Variants in PCDHGA2 observed in about 807,000 individuals in gnomAD.
The protein encoded by PCDHGA2 is protocadherin gamma subfamily A, 2, also known as protocadherin gamma-A2.
PCDHGA2 carries 40 observed loss-of-function variants against 59.2 expected under a neutral mutation model. That is an observed-to-expected ratio of 0.68 (90% CI 0.52 to 0.88). PCDHGA2 has a LOEUF of 0.88. Among genes scored for constraint, PCDHGA2 ranks in the 40% least tolerant of loss-of-function variants. The probability of loss-of-function intolerance (pLI) is 0.00; values close to 1 mark genes in which losing one functional copy is unlikely to be tolerated. For synonymous variants in PCDHGA2, 560 were observed against 526.0 expected (o/e 1.06, Z -0.89); for missense variants, 1,226 against 1,204.0 (o/e 1.02, Z -0.27).
At chr5:141,345,602 G>A in intron 1 of PCDHGA2, 2 of 1,614,174 alleles carry the variant, frequency 1.2e-6, no homozygotes, top group East Asian at 4.5e-5. Context: ...TCGACTACGA[G>A]CAATTTAGAG....
intron 1 of PCDHGA2, chr5:141,374,319 C>A: frequency 6.2e-7 from 1 of 1,613,942 alleles, no homozygotes; most frequent in Non-Finnish European, 8.5e-7. Flanking sequence ...TCTCTGAATC[C>A]GCGAAACGGC....
chr5:141,405,400 T>C (rs986034251), intron 1 of PCDHGA2: 3 of 1,590,732 alleles, frequency 1.9e-6, no homozygotes, highest in Non-Finnish European at 2.6e-6. Flanking sequence ...TTTTCTTTCT[T>C]TCTTTTCTTT....
chr5:141,478,076 C>G (rs1486983629), intron 1 of PCDHGA2: 2 of 1,614,106 alleles, frequency 1.2e-6, no homozygotes, highest in Non-Finnish European at 1.7e-6. Context: ...CAATGGGGAG[C>G]CTTCGCTCTC....
At chr5:141,450,225 C>A (rs1294362576) in intron 1 of PCDHGA2, among the ~76,000 whole-genome samples, 1 of 151,976 alleles carries the variant, frequency 6.6e-6, no homozygotes, top group Non-Finnish European at 1.5e-5. Flanking sequence ...ACTATGTTGG[C>A]CAGGCTAGTC....
At chr5:141,437,764 A>G (rs1408729040) in intron 1 of PCDHGA2, among the ~76,000 whole-genome samples, 1 of 149,226 alleles carries the variant, frequency 6.7e-6, no homozygotes, top group Non-Finnish European at 1.5e-5. Flanking sequence ...TTTGAGACAG[A>G]GTCTCAATCT....
intron 1 of PCDHGA2, chr5:141,355,764 G>T: frequency 1.2e-6 from 2 of 1,613,968 alleles, no homozygotes; most frequent in Non-Finnish European, 8.5e-7. Flanking sequence ...GGGCCGATGG[G>T]ATTAAGTACC....
In PCDHGA2 at chr5:141,511,216, C is replaced by A. The variant is rs374915167; in HGVS notation, c.*43C>A. On this transcript the variant is annotated 3_prime_UTR_variant, in exon 4 of 4. Coordinates refer to ENST00000394576, the MANE Select transcript of PCDHGA2 (RefSeq NM_018915.4). Reference sequence around the variant, plus strand: ...GAGCCACAGGGCGGCCTCTCCCCAACCAGCCCAGCTTCTCCTTACCTGCAC... The same window carrying A: ...GAGCCACAGGGCGGCCTCTCCCCAAACAGCCCAGCTTCTCCTTACCTGCAC... The A allele has an allele frequency of 6.2e-7, 1 of 1,608,004 alleles. No homozygotes were observed. The highest frequency in any genetic ancestry group is 1.3e-5 in the African/African-American group (1 of 74,736).
chr5:141,348,895 C>A (rs1186372853), intron 1 of PCDHGA2, among the ~76,000 whole-genome samples: 1 of 152,116 alleles, frequency 6.6e-6, no homozygotes, highest in Non-Finnish European at 1.5e-5. Flanking sequence ...TTTGGTAATG[C>A]ATTTGAAATA....
At chr5:141,382,916 G>A (rs1778572994) in intron 1 of PCDHGA2, 12 of 1,554,424 alleles carry the variant, frequency 7.7e-6, no homozygotes, top group Non-Finnish European at 9.6e-6. Flanking sequence ...GCTCAGCCGA[G>A]GGGCGGGGAC....
At chr5:141,428,823 T>C (rs2097162740) in intron 1 of PCDHGA2, 1 of 152,274 alleles carries the variant, frequency 6.6e-6, no homozygotes, top group Non-Finnish European at 1.5e-5. Context: ...TTAGCTTTCA[T>C]GTATTTTTGA....
At chr5:141,501,866 C>T (rs1193396289) in intron 2 of PCDHGA2, among the ~76,000 whole-genome samples, 4 of 152,108 alleles carry the variant, frequency 2.6e-5, no homozygotes, top group South Asian at 2.1e-4. Context: ...TTTCCCAGGA[C>T]GCCTCCTTAC....
intron 1 of PCDHGA2, among the ~76,000 whole-genome samples, chr5:141,483,553 C>G (rs955671854): frequency 2.0e-5 from 3 of 152,230 alleles, no homozygotes; most frequent in Admixed American, 2.0e-4. Context: ...CAGTGCCATT[C>G]ACAGAGACAG....
Position 141,491,215 on chromosome 5 carries a change from A to G in PCDHGA2, c.2425-3592A>G, listed in dbSNP as rs546893944. 2.5e-6 allele frequency: 4 copies of G among 1,614,196 alleles called. No individual in the cohort carries two copies. Among genetic ancestry groups the G allele is most frequent in the Non-Finnish European group, 3.4e-6 (4 of 1,180,036 alleles). On this transcript the variant is annotated intron_variant, in intron 1 of 3. Coordinates refer to ENST00000394576, the MANE Select transcript of PCDHGA2 (RefSeq NM_018915.4). This position sits in a 1 kb window ranked among gnomAD's most constrained non-coding sequence, Gnocchi z 6.9. ...CAATGGTGACCCTTCACTCTCCTCC[A>G]CAGCCACAGTGCTGCTGGTTCTGGA...
In PCDHGA2 at chr5:141,493,511, T is replaced by G. The variant is rs1203329648; in HGVS notation, c.2425-1296T>G. Among the ~76,000 whole-genome samples the G allele has an allele frequency of 6.6e-6, 1 of 152,094 alleles. No individual in the cohort carries two copies. Reference sequence around the variant, plus strand: ...TCTGTGGCTCCTCATTTCTGAGCAGTCCCCGCAGCGCAAACTTGGCCAGTT... The same window carrying G: ...TCTGTGGCTCCTCATTTCTGAGCAGGCCCCGCAGCGCAAACTTGGCCAGTT... On this transcript the variant is annotated intron_variant, in intron 1 of 3. Coordinates refer to ENST00000394576, the MANE Select transcript of PCDHGA2 (RefSeq NM_018915.4). This position sits in a 1 kb window ranked among gnomAD's most constrained non-coding sequence, Gnocchi z 4.3.
At chr5:141,383,710 G>T in intron 1 of PCDHGA2, 1 of 1,613,992 alleles carries the variant, frequency 6.2e-7, no homozygotes, top group South Asian at 1.1e-5. Context: ...CGACCTGGAC[G>T]AGGGAGTCAA....
Position 141,341,550 on chromosome 5 carries a change from T to G in PCDHGA2, c.2424+155T>G. 7 of 1,410,806 alleles carry G rather than the reference T, an allele frequency of 5.0e-6. No individual in the cohort carries two copies. The South Asian group carries it at 1.0e-4, about 21-fold the overall frequency. The allele number at this position is 1,410,806 out of a possible 1,614,324, so 87.4% of individuals were successfully genotyped here. ...TGAATTATTTCTTGGTAGGTCTTAG[T>G]GTTCACAGGCTGTAAGAGGAAGAAG... is the stretch of plus-strand genomic sequence containing the variant. On this transcript the variant is annotated intron_variant, in intron 1 of 3. Transcript: ENST00000394576.
At chr5:141,375,882 A>G in intron 1 of PCDHGA2, 1 of 1,613,814 alleles carries the variant, frequency 6.2e-7, no homozygotes, top group Non-Finnish European at 8.5e-7. Flanking sequence ...GACTCGGGCC[A>G]GAACGCCTGG....
At chr5:141,370,549 A>C in intron 1 of PCDHGA2, 1 of 1,613,956 alleles carries the variant, frequency 6.2e-7, no homozygotes, top group Non-Finnish European at 8.5e-7. Flanking sequence ...AACCTCGCCA[A>C]GGACCTGGGG....
intron 1 of PCDHGA2, among the ~76,000 whole-genome samples, chr5:141,407,220 A>G (rs569421185): frequency 6.6e-6 from 1 of 152,342 alleles, no homozygotes; most frequent in East Asian, 1.9e-4. Context: ...TTAAGTGGGT[A>G]GCAAAAAAAA....
Sources: gnomAD v4.1 joint callset for allele counts (sites outside exome capture counted in the v4.1 genomes callset) on GRCh38, gnomAD v4.1.1 for gene constraint, Gnocchi (gnomAD v3.1) non-coding constraint, MANE v1.5 for transcripts, NCBI Gene and HGNC (gene_info 2026-07-23, HGNC 2026-07-21) for gene names.